ERBB4: variants seen among roughly 807,000 people sequenced by gnomAD.
The protein encoded by ERBB4 is receptor tyrosine-protein kinase erbB-4.
A neutral mutation model predicts 158.0 loss-of-function variants in ERBB4; 42 were observed. That is an observed-to-expected ratio of 0.27 (90% CI 0.21 to 0.34). ERBB4 has a LOEUF of 0.34. Among genes scored for constraint, ERBB4 ranks in the 10% least tolerant of loss-of-function variants. The probability of loss-of-function intolerance (pLI) is 1.00; values close to 1 mark genes in which losing one functional copy is unlikely to be tolerated. For missense variants in ERBB4, 1,333 were observed against 1,624.1 expected (o/e 0.82, Z 3.08); for synonymous variants, 583 against 558.7 (o/e 1.04, Z -0.61).
At chr2:212,322,868 T>C (rs559673997) in intron 1 of ERBB4, among the ~76,000 whole-genome samples, 2 of 150,522 alleles carry the variant, frequency 1.3e-5, no homozygotes, top group South Asian at 4.3e-4. Context: ...AGTGTTTCAT[T>C]TTATATACAT....
At chr2:212,174,920 T>C (rs1332705862) in intron 1 of ERBB4, among the ~76,000 whole-genome samples, 1 of 152,080 alleles carries the variant, frequency 6.6e-6, no homozygotes, top group African/African-American at 2.4e-5. Context: ...TACAGGTTCA[T>C]CTCTTGCCAT....
intron 1 of ERBB4, among the ~76,000 whole-genome samples, chr2:212,501,691 G>A (rs560596825): frequency 4.3e-4 from 65 of 152,084 alleles, no homozygotes; most frequent in African/African-American, 1.4e-3. Flanking sequence ...ACCATTCATC[G>A]CCCACTGCAA....
At chr2:212,250,529 T>C (rs1031499665) in intron 1 of ERBB4, among the ~76,000 whole-genome samples, 5 of 151,954 alleles carry the variant, frequency 3.3e-5, no homozygotes, top group Admixed American at 1.3e-4. Context: ...TTTAACTTCA[T>C]TGAGTAATGA....
chr2:212,241,408 C>T (rs2084101581), intron 1 of ERBB4, among the ~76,000 whole-genome samples: 1 of 152,036 alleles, frequency 6.6e-6, no homozygotes, highest in African/African-American at 2.4e-5. Context: ...TTGTATAAAG[C>T]ATGTATATGA....
intron 20 of ERBB4, among the ~76,000 whole-genome samples, chr2:211,433,461 G>A (rs2063786190): frequency 6.6e-6 from 1 of 151,908 alleles, no homozygotes; most frequent in Admixed American, 6.6e-5. Context: ...GGCGCCTGTA[G>A]TCCCAGCTAC....
At chr2:212,321,953 C>A (rs72949516) in intron 1 of ERBB4, among the ~76,000 whole-genome samples, 5,808 of 149,688 alleles carry the variant, frequency 0.039, 389 homozygotes, top group South Asian at 0.089. Context: ...CTGTGGTTGA[C>A]AGTTTAAGAA....
intron 20 of ERBB4, among the ~76,000 whole-genome samples, chr2:211,512,289 T>C (rs2065902384): frequency 6.6e-6 from 1 of 152,120 alleles, no homozygotes. Flanking sequence ...CGGTTTTTCC[T>C]TCCACCATTA....
At chr2:212,042,417 C>T (rs898665399) in intron 2 of ERBB4, among the ~76,000 whole-genome samples, 45 of 152,098 alleles carry the variant, frequency 3.0e-4, no homozygotes, top group Middle Eastern at 3.4e-3. Flanking sequence ...TAGGTTTTCA[C>T]GGAAGCTTTG....
At chr2:212,240,665 A>AAAAAAAAAAC (rs1559823350) in intron 1 of ERBB4, among the ~76,000 whole-genome samples, 4 of 145,800 alleles carry the variant, frequency 2.7e-5, no homozygotes, top group African/African-American at 1.1e-4. Flanking sequence ...AAAAAAAAAA[A>AAAAAAAAAAC]AACAGAAAAA....
intron 25 of ERBB4, among the ~76,000 whole-genome samples, chr2:211,404,255 C>G (rs757668624): frequency 6.6e-6 from 1 of 151,984 alleles, no homozygotes; most frequent in Non-Finnish European, 1.5e-5. Context: ...AACAGTCATG[C>G]ATTCAAGCAG....
intron 20 of ERBB4, among the ~76,000 whole-genome samples, chr2:211,546,997 T>C (rs2066957512): frequency 6.6e-6 from 1 of 151,906 alleles, no homozygotes; most frequent in Non-Finnish European, 1.5e-5. Context: ...ATCTTGATTG[T>C]GGTGGCTATA....
At chr2:212,293,303 A>T (rs541429560) in intron 1 of ERBB4, among the ~76,000 whole-genome samples, 2 of 152,186 alleles carry the variant, frequency 1.3e-5, no homozygotes, top group South Asian at 4.1e-4. Context: ...TCATATTTTT[A>T]AAATTCCATA....
At chr2:212,057,084 A>T (rs1443029730) in intron 2 of ERBB4, among the ~76,000 whole-genome samples, 1 of 152,194 alleles carries the variant, frequency 6.6e-6, no homozygotes, top group Non-Finnish European at 1.5e-5. Flanking sequence ...ATGGAGGAAG[A>T]TCTACCAAGC....
chr2:211,838,470 A>C (rs1232199223), intron 3 of ERBB4, among the ~76,000 whole-genome samples: 1 of 152,252 alleles, frequency 6.6e-6, no homozygotes, highest in Middle Eastern at 3.4e-3. Context: ...TATAATTACT[A>C]TGGACAGCAT....
intron 3 of ERBB4, among the ~76,000 whole-genome samples, chr2:211,855,253 C>T: frequency 6.6e-6 from 1 of 151,996 alleles, no homozygotes; most frequent in East Asian, 1.9e-4. Flanking sequence ...TAAGTCTTTG[C>T]CAGTTATAAA....
intron 3 of ERBB4, among the ~76,000 whole-genome samples, chr2:211,810,036 T>G (rs2076713074): frequency 6.6e-6 from 1 of 152,358 alleles, no homozygotes; most frequent in Non-Finnish European, 1.5e-5. Context: ...CTAATATGAT[T>G]GCACTGTGGT....
chr2:212,298,762 C>T lies in ERBB4; in HGVS notation c.83-173859G>A, dbSNP rs16848213. On this transcript the variant is annotated intron_variant, in intron 1 of 27. Transcript: ENST00000342788. ...CTCCACAAGATACAATGAAATCAGA[C>T]GCAATAGCAAAATGATTTTTTTGTT... 5.5e-3 allele frequency among the ~76,000 whole-genome samples: 831 copies of T among 151,714 alleles called. 4 individuals are homozygous for T. Among genetic ancestry groups the T allele is most frequent in the Middle Eastern group, 0.017 (5 of 292 alleles).
Position 211,387,094 on chromosome 2 carries a change from G to A in ERBB4, c.3240C>T (p.Pro1080=), listed in dbSNP as rs1376362889. Residue 1080 remains proline (P), a synonymous_variant, in exon 27 of 28, where the codon CCC becomes CCT. Transcript: ENST00000342788. ...GAATTGTGCTAGTTGGGGCTCTGTAGGGCACAGACACTCCTTGTTCAGCAG... is the reference window on the plus strand; with the variant it reads ...GAATTGTGCTAGTTGGGGCTCTGTAAGGCACAGACACTCCTTGTTCAGCAG... ...GFAAEQGVSV[P]YRAPTSTIPE... is the part of the protein sequence containing the mutation. 6.2e-7 allele frequency: 1 copy of A among 1,613,916 alleles called. No individual in the cohort carries two copies. Among genetic ancestry groups the A allele is most frequent in the Non-Finnish European group, 8.5e-7 (1 of 1,179,840 alleles).
In ERBB4 at chr2:212,397,749, T is replaced by C. The variant is rs116243458; in HGVS notation, c.82+140700A>G. ...CATTTTCAATTGTTTGTTGTTTTTA[T>C]ATTGTGTTCATTTTTCTATCAGGGC... On this transcript the variant is annotated intron_variant, in intron 1 of 27. Transcript: ENST00000342788. 9.6e-3 allele frequency among the ~76,000 whole-genome samples: 1,456 copies of C among 152,294 alleles called. 9 individuals are homozygous for C. Among genetic ancestry groups the C allele is most frequent in the Non-Finnish European group, 0.015 (1,054 of 68,012 alleles).
Sources: gnomAD v4.1 joint callset for allele counts (sites outside exome capture counted in the v4.1 genomes callset) on GRCh38, gnomAD v4.1.1 for gene constraint, MANE v1.5 for transcripts, NCBI Gene and HGNC (gene_info 2026-07-23, HGNC 2026-07-21) for gene names.